Variants in CNTN5 observed in about 807,000 individuals in gnomAD.
CNTN5 encodes the protein contactin 5.
CNTN5 carries 77 observed loss-of-function variants against 129.1 expected under a neutral mutation model. That is an observed-to-expected ratio of 0.60 (90% CI 0.50 to 0.72). CNTN5 has a LOEUF of 0.72. Ranked by LOEUF, CNTN5 falls within the 30% of genes least tolerant of loss-of-function variation. The probability of loss-of-function intolerance (pLI) is 0.00; values close to 1 mark genes in which losing one functional copy is unlikely to be tolerated. For missense variants in CNTN5, 1,478 were observed against 1,328.8 expected (o/e 1.11, Z -1.75); for synonymous variants, 509 against 465.6 (o/e 1.09, Z -1.20).
At chr11:99,265,774 T>C (rs1565448735) in intron 1 of CNTN5, among the ~76,000 whole-genome samples, 1 of 152,024 alleles carries the variant, frequency 6.6e-6, no homozygotes, top group Non-Finnish European at 1.5e-5. Context: ...CCGATCACCA[T>C]AATCCATTTT....
chr11:99,799,124 C>T (rs1354180999), intron 3 of CNTN5, among the ~76,000 whole-genome samples: 1 of 151,882 alleles, frequency 6.6e-6, no homozygotes, highest in African/African-American at 2.4e-5. Flanking sequence ...GTACCTGAAT[C>T]TTCACTAAGG....
chr11:99,298,928 C>A (rs1864503687), intron 1 of CNTN5, among the ~76,000 whole-genome samples: 1 of 152,136 alleles, frequency 6.6e-6, no homozygotes. Context: ...ACATTTTCAG[C>A]CTGTGAAAAG....
intron 3 of CNTN5, among the ~76,000 whole-genome samples, chr11:99,602,296 G>T (rs1950337841): frequency 6.6e-6 from 1 of 151,936 alleles, no homozygotes; most frequent in Admixed American, 6.6e-5. Context: ...ATAATAATAA[G>T]AAACATATTT....
At chr11:99,877,268 T>G (rs1243019635) in intron 6 of CNTN5, among the ~76,000 whole-genome samples, 1 of 152,196 alleles carries the variant, frequency 6.6e-6, no homozygotes, top group Non-Finnish European at 1.5e-5. Context: ...AAATAGTGGC[T>G]TAAATACACC....
At chr11:100,308,230 T>A (rs1390031424) in intron 20 of CNTN5, 129 bp from the exon 21 acceptor site, 1 of 774,742 alleles carries the variant, frequency 1.3e-6, no homozygotes, top group Non-Finnish European at 2.0e-6. Flanking sequence ...TTTTGTTGTG[T>A]TTTTTATAAC....
chr11:100,355,631 G>C (rs1378342882), intron 24 of CNTN5, among the ~76,000 whole-genome samples: 1 of 151,524 alleles, frequency 6.6e-6, no homozygotes, highest in Non-Finnish European at 1.5e-5. Flanking sequence ...ACATTCTAAT[G>C]GCTACAACAT....
At chr11:99,580,563 GTGTA>G (rs1949542591) in intron 3 of CNTN5, among the ~76,000 whole-genome samples, 1 of 152,140 alleles carries the variant, frequency 6.6e-6, no homozygotes, top group African/African-American at 2.4e-5. Flanking sequence ...TCTTGGGAGG[GTGTA>G]TGTGCCGAGG....
At chr11:99,450,659 T>C (rs747479992) in intron 2 of CNTN5, among the ~76,000 whole-genome samples, 2 of 152,214 alleles carry the variant, frequency 1.3e-5, no homozygotes, top group South Asian at 2.1e-4. Flanking sequence ...TTGCACTATA[T>C]TGTACTGCCA....
chr11:99,957,469 G>A (rs942748537), intron 8 of CNTN5, among the ~76,000 whole-genome samples: 1 of 152,152 alleles, frequency 6.6e-6, no homozygotes, highest in South Asian at 2.1e-4. Context: ...AATAATAGGA[G>A]CAGTTGGAAC....
intron 1 of CNTN5, among the ~76,000 whole-genome samples, chr11:99,316,885 C>T (rs1250716447): frequency 1.3e-5 from 2 of 152,158 alleles, no homozygotes; most frequent in Non-Finnish European, 2.9e-5. Flanking sequence ...GCCAGCCAGG[C>T]TGCCAGGCTG....
chr11:99,402,282 A>G (rs1941853453), intron 2 of CNTN5, among the ~76,000 whole-genome samples: 1 of 152,140 alleles, frequency 6.6e-6, no homozygotes, highest in Non-Finnish European at 1.5e-5. Context: ...ACATGAAGCG[A>G]TATTGAATTT....
At chr11:99,145,758 A>G (rs1211721066) in intron 1 of CNTN5, among the ~76,000 whole-genome samples, 1 of 152,150 alleles carries the variant, frequency 6.6e-6, no homozygotes, top group Non-Finnish European at 1.5e-5. Flanking sequence ...TATAGACCAT[A>G]GAGATAGTTC....
At chr11:99,355,725 T>A (rs1217438359) in intron 2 of CNTN5, among the ~76,000 whole-genome samples, 1 of 152,148 alleles carries the variant, frequency 6.6e-6, no homozygotes, top group Non-Finnish European at 1.5e-5. Flanking sequence ...TCCTATGTTA[T>A]GGGTGACCCA....
chr11:99,250,539 A>G (rs919054431), intron 1 of CNTN5, among the ~76,000 whole-genome samples: 3 of 151,922 alleles, frequency 2.0e-5, no homozygotes, highest in African/African-American at 7.2e-5. Flanking sequence ...AATCTAAGGA[A>G]ATGCAAGATA....
Position 99,245,855 on chromosome 11 carries a change from T to C in CNTN5, c.-209-79491T>C, listed in dbSNP as rs140042693. 4.3e-3 allele frequency among the ~76,000 whole-genome samples: 661 copies of C among 152,256 alleles called. 7 individuals are homozygous for C. The highest frequency in any genetic ancestry group is 0.015 in the African/African-American group (627 of 41,552). On this transcript the variant is annotated intron_variant, in intron 1 of 24. Transcript: ENST00000524871. ...TGTTTAGCAATATTCCAGACCTCTA[T>C]TAACTAGATGACAGTAGCGTCCCTC...
chr11:99,084,783 T>A (rs1268971925), intron 1 of CNTN5, among the ~76,000 whole-genome samples: 1 of 152,180 alleles, frequency 6.6e-6, no homozygotes, highest in Non-Finnish European at 1.5e-5. Flanking sequence ...TTGAAAAGCC[T>A]CATAACTTTA....
intron 6 of CNTN5, among the ~76,000 whole-genome samples, chr11:99,848,409 A>C (rs1450863129): frequency 6.6e-6 from 1 of 152,154 alleles, no homozygotes; most frequent in Non-Finnish European, 1.5e-5. Context: ...TATATCTACC[A>C]GGCTTTATTT....
At chr11:99,049,271 T>C (rs927211683) in intron 1 of CNTN5, among the ~76,000 whole-genome samples, 6 of 152,178 alleles carry the variant, frequency 3.9e-5, no homozygotes, top group South Asian at 4.1e-4. Context: ...ATTGTAGCAA[T>C]TGACTTAACT....
intron 9 of CNTN5, among the ~76,000 whole-genome samples, chr11:100,040,913 C>G (rs1414972094): frequency 6.6e-6 from 1 of 152,178 alleles, no homozygotes; most frequent in African/African-American, 2.4e-5. Flanking sequence ...TTCCCTGACC[C>G]CTTGTGCTTC....
Sources: gnomAD v4.1 joint callset for allele counts (sites outside exome capture counted in the v4.1 genomes callset) on GRCh38, gnomAD v4.1.1 for gene constraint, MANE v1.5 for transcripts, NCBI Gene and HGNC (gene_info 2026-07-23, HGNC 2026-07-21) for gene names.